MNAT1: variants seen among roughly 807,000 people sequenced by gnomAD.
MNAT1 encodes MNAT1 component of CDK activating kinase, also known as CDK-activating kinase assembly factor MAT1.
Under a neutral mutation model 42.0 loss-of-function variants are expected in MNAT1, and 43 were observed. The observed-to-expected ratio is 1.02, with a 90% CI of 0.80 to 1.32. The LOEUF (loss-of-function observed/expected upper bound fraction) is 1.32, where lower values mean the gene tolerates loss of function less well. MNAT1 is among the 40% of genes most tolerant of loss of function. The pLI is 0.00. For synonymous variants in MNAT1, 118 were observed against 120.0 expected (o/e 0.98, Z 0.11); for missense variants, 306 against 350.4 (o/e 0.87, Z 1.01).
At chr14:60,912,170 C>G (rs895480672) in intron 7 of MNAT1, among the ~76,000 whole-genome samples, 2 of 152,044 alleles carry the variant, frequency 1.3e-5, no homozygotes, top group Non-Finnish European at 2.9e-5. Flanking sequence ...TTTCCGTTTG[C>G]TTGGTAGATC....
In MNAT1 at chr14:60,806,253, G is replaced by A. The variant is rs150960112; in HGVS notation, c.317-2072G>A. ...TGTATTGTAAGCATTCAGGGATGGA[G>A]AGATTGTAACTGCAAAGTGTCTCAT... On this transcript the variant is annotated intron_variant, in intron 3 of 7. Transcript: ENST00000261245. 1.6e-4 allele frequency among the ~76,000 whole-genome samples: 25 copies of A among 152,324 alleles called. 1 individual carries two copies. The East Asian group carries it at 4.8e-3, about 29-fold the overall frequency.
chr14:60,758,254 G>C (rs771237351), intron 1 of MNAT1, among the ~76,000 whole-genome samples: 4 of 150,404 alleles, frequency 2.7e-5, no homozygotes, highest in Admixed American at 1.3e-4. Flanking sequence ...TTGCCCAGGT[G>C]AGAGTGCAGT....
intron 1 of MNAT1, among the ~76,000 whole-genome samples, chr14:60,775,745 G>A (rs2031229674): frequency 6.6e-6 from 1 of 152,142 alleles, no homozygotes. Context: ...GATGGCATTG[G>A]TGTTTAGAAA....
chr14:60,932,501 T>C (rs1338293028), intron 7 of MNAT1, among the ~76,000 whole-genome samples: 1 of 152,040 alleles, frequency 6.6e-6, no homozygotes, highest in Non-Finnish European at 1.5e-5. Context: ...TTAATATAGT[T>C]CAAGAAACTG....
At chr14:60,924,577 T>G (rs907977787) in intron 7 of MNAT1, among the ~76,000 whole-genome samples, 1 of 152,198 alleles carries the variant, frequency 6.6e-6, no homozygotes, top group Middle Eastern at 3.4e-3. Flanking sequence ...AACAATAATA[T>G]GTATGTGAAA....
chr14:60,951,203 A>G (rs1273796266), intron 7 of MNAT1, among the ~76,000 whole-genome samples: 2 of 151,478 alleles, frequency 1.3e-5, no homozygotes, highest in Non-Finnish European at 2.9e-5. Flanking sequence ...TCTAAACTTA[A>G]TATCTTTCCT....
At chr14:60,823,328 G>T (rs1396537056) in intron 6 of MNAT1, among the ~76,000 whole-genome samples, 1 of 152,140 alleles carries the variant, frequency 6.6e-6, no homozygotes, top group Non-Finnish European at 1.5e-5. Flanking sequence ...TGGGGATTGG[G>T]GAGGGGGAAT....
chr14:60,830,979 T>TGTAGAAAAAA (rs2033197509), intron 6 of MNAT1, among the ~76,000 whole-genome samples: 2 of 152,166 alleles, frequency 1.3e-5, no homozygotes, highest in Admixed American at 1.3e-4. Context: ...CCGTGCCTCC[T>TGTAGAAAAAA]GTTAACATTT....
intron 7 of MNAT1, among the ~76,000 whole-genome samples, chr14:60,963,422 A>C (rs2036631439): frequency 6.6e-6 from 1 of 152,224 alleles, no homozygotes; most frequent in South Asian, 2.1e-4. Context: ...TGCTTAGTTT[A>C]AGACACCTAA....
At chr14:60,774,720 C>T (rs1264356947) in intron 1 of MNAT1, among the ~76,000 whole-genome samples, 1 of 152,090 alleles carries the variant, frequency 6.6e-6, no homozygotes, top group East Asian at 1.9e-4. Flanking sequence ...GTAGAGTCAT[C>T]AGTCTTGGTA....
intron 7 of MNAT1, among the ~76,000 whole-genome samples, chr14:60,904,715 GAT>G (rs1470004610): frequency 2.0e-5 from 3 of 151,800 alleles, no homozygotes; most frequent in Admixed American, 2.0e-4. Context: ...TATAAAATGA[GAT>G]ATATTCTAAA....
At chr14:60,953,305 A>G (rs1459964987) in intron 7 of MNAT1, among the ~76,000 whole-genome samples, 1 of 152,112 alleles carries the variant, frequency 6.6e-6, no homozygotes, top group African/African-American at 2.4e-5. Flanking sequence ...GGGTTACTCT[A>G]TTACCCTGTG....
At chr14:60,957,691 A>C (rs2036510526) in intron 7 of MNAT1, among the ~76,000 whole-genome samples, 1 of 152,124 alleles carries the variant, frequency 6.6e-6, no homozygotes, top group Non-Finnish European at 1.5e-5. Context: ...TCCATTAACA[A>C]ATTTTTGTAG....
chr14:60,747,219 T>C (rs567586241), intron 1 of MNAT1, among the ~76,000 whole-genome samples: 25 of 151,768 alleles, frequency 1.6e-4, no homozygotes, highest in East Asian at 3.9e-4. Flanking sequence ...CTCCTGACCT[T>C]GTGATCTGCC....
At chr14:60,816,398 G>A (rs1470409128) in intron 5 of MNAT1, among the ~76,000 whole-genome samples, 8 of 151,922 alleles carry the variant, frequency 5.3e-5, no homozygotes, top group Non-Finnish European at 1.2e-4. Context: ...TTGAAAATTC[G>A]CTTCAGTTTA....
intron 7 of MNAT1, among the ~76,000 whole-genome samples, chr14:60,900,084 T>TCTCTC (rs1566544076): frequency 1.4e-4 from 6 of 42,046 alleles, no homozygotes; most frequent in African/African-American, 2.8e-4. Flanking sequence ...CTCTCTCTCT[T>TCTCTC]ACCTTGGACT....
intron 5 of MNAT1, among the ~76,000 whole-genome samples, chr14:60,817,602 A>G (rs567277793): frequency 6.6e-6 from 1 of 152,156 alleles, no homozygotes; most frequent in African/African-American, 2.4e-5. Flanking sequence ...GTAACCTTAA[A>G]CCAATTCCTT....
chr14:60,881,550 T>C (rs1465747706), intron 7 of MNAT1, among the ~76,000 whole-genome samples: 1 of 152,094 alleles, frequency 6.6e-6, no homozygotes. Flanking sequence ...TTAGTGTTCA[T>C]AAAGGATATT....
intron 7 of MNAT1, among the ~76,000 whole-genome samples, chr14:60,914,625 G>T (rs923125309): frequency 6.6e-6 from 1 of 152,012 alleles, no homozygotes; most frequent in African/African-American, 2.4e-5. Flanking sequence ...TCCACTCTGG[G>T]GATGGACTTC....
Sources: allele counts gnomAD v4.1 joint callset (sites outside exome capture counted in the v4.1 genomes callset), GRCh38; gene constraint gnomAD v4.1.1; transcripts MANE v1.5; gene names NCBI Gene and HGNC (gene_info 2026-07-23, HGNC 2026-07-21).